Variants in NCAPD2 observed in about 807,000 individuals in gnomAD.
NCAPD2 encodes condensin complex subunit 1.
In NCAPD2, 100 loss-of-function variants were observed where a neutral mutation model predicts 164.5. That is an observed-to-expected ratio of 0.61 (90% CI 0.52 to 0.72). The LOEUF is 0.72. Ranked by LOEUF, NCAPD2 falls within the 30% of genes least tolerant of loss-of-function variation. The pLI, the probability that NCAPD2 is intolerant of heterozygous loss-of-function variation, is 0.00. For synonymous variants in NCAPD2, 585 were observed against 642.6 expected (o/e 0.91, Z 1.36); for missense variants, 1,560 against 1,749.2 (o/e 0.89, Z 1.93).
At chr12:6,525,497 G>T in intron 17 of NCAPD2, 86 bp from the exon 18 acceptor site, 1 of 1,479,490 alleles carries the variant, frequency 6.8e-7, no homozygotes. Flanking sequence ...GTCTACTTCA[G>T]GTTCGCAATA....
rs920568435 is a variant in NCAPD2 at position 6,530,748 on chromosome 12, G to A, written c.3895G>A (p.Gly1299Arg). ...LRACHTRGLD[G>R]IKELEIGQAG... ...GGCCTGTCATACCAGAGGTTTGGATGGAATCAAGGAGCTTGAGATTGGCCA... is the reference window on the plus strand; with the variant it reads ...GGCCTGTCATACCAGAGGTTTGGATAGAATCAAGGAGCTTGAGATTGGCCA... The change falls in exon 30 of 32, where the codon GGA becomes AGA. Residue 1299 changes from glycine (G) to arginine (R), a missense_variant. By Grantham distance (125) the Gly-to-Arg change is moderately radical. Coordinates refer to ENST00000315579, the MANE Select transcript of NCAPD2 (RefSeq NM_014865.4). 1.2e-5 allele frequency: 19 copies of A among 1,614,108 alleles called. No homozygotes were observed. Among genetic ancestry groups the A allele is most frequent in the Non-Finnish European group, 1.4e-5 (17 of 1,180,048 alleles).
intron 2 of NCAPD2, among the ~76,000 whole-genome samples, chr12:6,497,672 T>G (rs943309520): frequency 1.3e-5 from 2 of 152,120 alleles, no homozygotes; most frequent in Non-Finnish European, 2.9e-5. Context: ...CAGGCTGGAG[T>G]GCAGTGGCGC....
intron 2 of NCAPD2, among the ~76,000 whole-genome samples, chr12:6,508,644 G>C (rs1946119102): frequency 6.6e-6 from 1 of 152,178 alleles, no homozygotes; most frequent in African/African-American, 2.4e-5. Context: ...ATCATTCATG[G>C]ATGCTTCAAT....
intron 2 of NCAPD2, among the ~76,000 whole-genome samples, chr12:6,498,030 C>T (rs993143134): frequency 8.6e-5 from 13 of 152,012 alleles, no homozygotes; most frequent in African/African-American, 2.7e-4. Context: ...CGGGCTCAGC[C>T]GCCCGAGTAG....
intron 2 of NCAPD2, among the ~76,000 whole-genome samples, chr12:6,497,054 C>T (rs996760977): frequency 6.6e-6 from 1 of 152,220 alleles, no homozygotes; most frequent in African/African-American, 2.4e-5. Flanking sequence ...ATTACCCAGA[C>T]TGGTTTAACT....
In NCAPD2 at chr12:6,516,896, T is replaced by G; in HGVS notation, c.1056T>G (p.Asp352Glu). 2.5e-6 allele frequency: 4 copies of G among 1,614,162 alleles called. No homozygotes were observed. The highest frequency in any genetic ancestry group is 3.4e-6 in the Non-Finnish European group (4 of 1,180,032). Reference protein sequence around the residue: ...AEMVLQVLSGDQLEAAARDTR... With the variant: ...AEMVLQVLSGEQLEAAARDTR... The stretch of plus-strand genomic sequence containing the variant: ...TGGTGCTGCAGGTTCTCAGTGGCGA[T>G]CAACTGGAAGCAGCAGCCCGAGACA... The change falls in exon 10 of 32, where the codon GAT becomes GAG. Residue 352 changes from aspartate (D) to glutamate (E), a missense_variant. Transcript: ENST00000315579.
intron 21 of NCAPD2, 131 bp from the exon 22 acceptor site, chr12:6,526,760 A>T: frequency 7.1e-7 from 1 of 1,412,910 alleles, no homozygotes; most frequent in East Asian, 2.3e-5. Context: ...GCCAGTTCCC[A>T]CCCCCAACTC....
chr12:6,518,510 T>TTTTTTTTTG (rs1946229556), intron 13 of NCAPD2, among the ~76,000 whole-genome samples: 10 of 50,296 alleles, frequency 2.0e-4, no homozygotes, highest in Non-Finnish European at 1.5e-4. Flanking sequence ...ACAAGTTTTT[T>TTTTTTTTTG]TTTTTTTTTT....
At chr12:6,511,590 A>G (rs1226129845) in intron 6 of NCAPD2, among the ~76,000 whole-genome samples, 1 of 151,948 alleles carries the variant, frequency 6.6e-6, no homozygotes, top group Non-Finnish European at 1.5e-5. Context: ...TGGCCCCCCA[A>G]AGTGCTGGGA....
intron 22 of NCAPD2, 76 bp downstream of exon 22, chr12:6,527,139 A>C: frequency 7.0e-7 from 1 of 1,427,610 alleles, no homozygotes; most frequent in Non-Finnish European, 9.4e-7. Flanking sequence ...CCTTCCGGCA[A>C]TCTCTGCTCC....
At position 6,531,005 on chromosome 12, in the gene NCAPD2, C is replaced by T; in HGVS notation, c.4049C>T (p.Pro1350Leu). The change falls in exon 31 of 32, where the codon CCA becomes CTA. Residue 1350 changes from proline (P) to leucine (L), a missense_variant. Coordinates refer to ENST00000315579, the MANE Select transcript of NCAPD2 (RefSeq NM_014865.4). This position sits in a 1 kb window ranked among gnomAD's most constrained non-coding sequence, Gnocchi z 4.1. ...PEPRRTTRRH[P>L]NTQQRASKKK... Reference sequence around the variant, plus strand: ...CCCCGCCGTACTACCCGTCGGCATCCAAACACCCAGCAGCGAGCTTCCAAA... The same window carrying T: ...CCCCGCCGTACTACCCGTCGGCATCTAAACACCCAGCAGCGAGCTTCCAAA... 1 of 1,614,188 alleles carries T rather than the reference C, an allele frequency of 6.2e-7. No individual in the cohort carries two copies. Among genetic ancestry groups the T allele is most frequent in the Non-Finnish European group, 8.5e-7 (1 of 1,180,040 alleles).
At chr12:6,521,503 G>A (rs543625800) in intron 14 of NCAPD2, among the ~76,000 whole-genome samples, 1 of 152,018 alleles carries the variant, frequency 6.6e-6, no homozygotes, top group African/African-American at 2.4e-5. Flanking sequence ...GCAACATGAC[G>A]AAACCCCCAT....
intron 22 of NCAPD2, among the ~76,000 whole-genome samples, chr12:6,527,572 G>C (rs144831069): frequency 6.6e-6 from 1 of 152,194 alleles, no homozygotes; most frequent in Non-Finnish European, 1.5e-5. Context: ...GCAGAAACAC[G>C]CTTTGGCAAC....
chr12:6,528,520 C>T lies in NCAPD2; in HGVS notation c.3300-159C>T, dbSNP rs1398350223. The stretch of plus-strand genomic sequence containing the variant: ...CTGACACTTCTGGTTAGAAGCTTCA[C>T]CTCTTTCCCCCACTCCAGCTTTCAA... On this transcript the variant is annotated intron_variant, in intron 25 of 31. Coordinates refer to ENST00000315579, the MANE Select transcript of NCAPD2 (RefSeq NM_014865.4). The surrounding 1 kb of genome is among the most constrained non-coding windows in gnomAD (Gnocchi z 5.1). 4 of 1,131,046 alleles carry T rather than the reference C, an allele frequency of 3.5e-6. No homozygotes were observed. The Admixed American group carries it at 9.5e-5, about 27-fold the overall frequency. 70.1% of individuals were successfully genotyped at this position (1,131,046 alleles called of 1,614,324 possible). A position where few individuals can be genotyped will look rare whatever the true frequency, so the allele number is the denominator to read the frequency against.
In NCAPD2 at chr12:6,531,120, A is replaced by G; in HGVS notation, c.4120+44A>G. 6.8e-6 allele frequency: 11 copies of G among 1,608,388 alleles called. No homozygotes were observed. Among genetic ancestry groups the G allele is most frequent in the Non-Finnish European group, 9.3e-6 (11 of 1,177,544 alleles). On this transcript the variant is annotated intron_variant, in intron 31 of 31. Coordinates refer to ENST00000315579, the MANE Select transcript of NCAPD2 (RefSeq NM_014865.4). This position sits in a 1 kb window ranked among gnomAD's most constrained non-coding sequence, Gnocchi z 4.1. ...TTCCCGGCCGAGAAGGCACACAGCT[A>G]GGGTGCAGAGGGCTGGTTTCCATAG...
chr12:6,510,878 G>A (rs1438127864), intron 5 of NCAPD2, 68 bp downstream of exon 5: 2 of 1,521,506 alleles, frequency 1.3e-6, no homozygotes, highest in Admixed American at 3.9e-5. Context: ...GGAAAAGAAG[G>A]GAATCCAATG....
intron 2 of NCAPD2, among the ~76,000 whole-genome samples, chr12:6,500,659 T>C (rs1214186609): frequency 6.6e-6 from 1 of 152,170 alleles, no homozygotes; most frequent in Non-Finnish European, 1.5e-5. Flanking sequence ...AAATCTGTAT[T>C]TTAAGAAGAT....
intron 6 of NCAPD2, among the ~76,000 whole-genome samples, chr12:6,512,920 G>A (rs1276221085): frequency 6.6e-6 from 1 of 152,144 alleles, no homozygotes; most frequent in East Asian, 1.9e-4. Context: ...AGTCAAGGAT[G>A]ACTCTCCCGG....
intron 2 of NCAPD2, among the ~76,000 whole-genome samples, chr12:6,500,593 A>G (rs1946025484): frequency 6.6e-6 from 1 of 152,196 alleles, no homozygotes; most frequent in Non-Finnish European, 1.5e-5. Flanking sequence ...ATGATCTGGG[A>G]GCTTATTAGA....
Sources: gnomAD v4.1 joint callset for allele counts (sites outside exome capture counted in the v4.1 genomes callset) on GRCh38, gnomAD v4.1.1 for gene constraint, Gnocchi (gnomAD v3.1) non-coding constraint, MANE v1.5 for transcripts, NCBI Gene and HGNC (gene_info 2026-07-23, HGNC 2026-07-21) for gene names.